The following TRPC7 variants were observed in gnomAD, a reference collection of about 807,000 sequenced individuals.
TRPC7 encodes short transient receptor potential channel 7.
Under a neutral mutation model 90.1 loss-of-function variants are expected in TRPC7, and 42 were observed. The observed-to-expected ratio is 0.47, with a 90% CI of 0.36 to 0.60. The LOEUF (loss-of-function observed/expected upper bound fraction) is 0.60. Ranked by LOEUF, TRPC7 falls within the 20% of genes least tolerant of loss-of-function variation. TRPC7 has a pLI of 0.00. For synonymous variants in TRPC7, 451 were observed against 436.3 expected, an observed-to-expected ratio of 1.03 and a Z score of -0.42; for missense variants, 955 against 1,112.3, an observed-to-expected ratio of 0.86 and a Z score of 2.01.
chr5:136,250,207 T>C (rs1164642123), intron 6 of TRPC7, among the ~76,000 whole-genome samples: 2 of 152,224 alleles, frequency 1.3e-5, no homozygotes, highest in African/African-American at 4.8e-5. Context: ...CTTGTAATAC[T>C]ACAAGACTCT....
At chr5:136,333,216 T>C (rs1759553395) in intron 2 of TRPC7, among the ~76,000 whole-genome samples, 1 of 152,210 alleles carries the variant, frequency 6.6e-6, no homozygotes, top group South Asian at 2.1e-4. Flanking sequence ...CTCTTAGCCC[T>C]ATCTGGGTGC....
intron 2 of TRPC7, among the ~76,000 whole-genome samples, chr5:136,327,889 A>C (rs892203923): frequency 1.3e-5 from 2 of 152,188 alleles, no homozygotes; most frequent in South Asian, 2.1e-4. Context: ...GTTAAAATTT[A>C]ACACACATGG....
chr5:136,316,895 T>G (rs535181717), intron 2 of TRPC7, among the ~76,000 whole-genome samples: 1 of 152,338 alleles, frequency 6.6e-6, no homozygotes, highest in African/African-American at 2.4e-5. Context: ...TAAAGAGGAC[T>G]GTGGTTGTGC....
At chr5:136,329,921 C>G (rs1209541170) in intron 2 of TRPC7, among the ~76,000 whole-genome samples, 1 of 152,062 alleles carries the variant, frequency 6.6e-6, no homozygotes. Flanking sequence ...AGTCTTGTCC[C>G]CACAACCCAC....
At chr5:136,333,316 T>A (rs1759555456) in intron 2 of TRPC7, among the ~76,000 whole-genome samples, 1 of 152,034 alleles carries the variant, frequency 6.6e-6, no homozygotes, top group Non-Finnish European at 1.5e-5. Flanking sequence ...AACAGGGCAT[T>A]CCAAGCTGAG....
intron 2 of TRPC7, among the ~76,000 whole-genome samples, chr5:136,326,597 C>T (rs1322995151): frequency 6.6e-6 from 1 of 152,036 alleles, no homozygotes; most frequent in African/African-American, 2.4e-5. Context: ...ATTAGAAAAA[C>T]CGGATATGAT....
intron 6 of TRPC7, 117 bp downstream of exon 6, chr5:136,251,532 A>G: frequency 1.2e-6 from 1 of 847,770 alleles, no homozygotes. Context: ...CGGCTGTGTT[A>G]CAAATCATGG....
intron 3 of TRPC7, among the ~76,000 whole-genome samples, chr5:136,294,575 CA>C (rs2149826812): frequency 6.6e-6 from 1 of 152,094 alleles, no homozygotes; most frequent in African/African-American, 2.4e-5. Context: ...AAATGCAAAT[CA>C]AAACCACAAT....
At chr5:136,284,709 C>T (rs1757655126) in intron 3 of TRPC7, among the ~76,000 whole-genome samples, 2 of 152,220 alleles carry the variant, frequency 1.3e-5, no homozygotes. Context: ...GGCACCCAGC[C>T]CAAGAAGGGA....
At chr5:136,297,112 C>G (rs1758205597) in intron 3 of TRPC7, among the ~76,000 whole-genome samples, 1 of 152,204 alleles carries the variant, frequency 6.6e-6, no homozygotes, top group Non-Finnish European at 1.5e-5. Context: ...CTCTGATCCC[C>G]CTTTCATGGC....
At chr5:136,220,008 A>G (rs1755402141) in intron 10 of TRPC7, among the ~76,000 whole-genome samples, 1 of 152,226 alleles carries the variant, frequency 6.6e-6, no homozygotes, top group African/African-American at 2.4e-5. Context: ...TGACGATTTC[A>G]TGGACATTTA....
At position 136,247,513 on chromosome 5, in the gene TRPC7, T is replaced by C; in HGVS notation, c.1802A>G (p.Tyr601Cys). 6.2e-7 allele frequency: 1 copy of C among 1,613,728 alleles called. No homozygotes were observed. Among genetic ancestry groups the C allele is most frequent in the Non-Finnish European group, 8.5e-7 (1 of 1,179,808 alleles). ...VAFMIGMFNL[Y>C]SYYRGAKYNP... ...GTATTTGGCACCTCGGTAGTAAGAG[T>C]ACAGGTTGAACATCCCAATCATGAA... Residue 601 changes from tyrosine (Y) to cysteine (C), a missense_variant, in exon 7 of 12, where the codon TAC becomes TGC. Transcript: ENST00000513104. This position sits in a 1 kb window ranked among gnomAD's most constrained non-coding sequence, Gnocchi z 4.2.
intron 2 of TRPC7, among the ~76,000 whole-genome samples, chr5:136,344,532 C>G (rs931300523): frequency 2.6e-5 from 4 of 152,174 alleles, no homozygotes; most frequent in African/African-American, 9.7e-5. Context: ...AGGAAGTGGT[C>G]AGCCTCACTA....
rs367808170 is a variant in TRPC7 at position 136,306,933 on chromosome 5, G to A, written c.963+8664C>T. Among the ~76,000 whole-genome samples, 358 of 152,182 alleles carry A rather than the reference G, an allele frequency of 2.4e-3. 6 individuals carry two copies. Among genetic ancestry groups the A allele is most frequent in the African/African-American group, 8.2e-3 (342 of 41,514 alleles). ...ACCACCCTTCGCTGACTCTCTTTTC[G>A]GATTCAGCCTGCCTGCACCCAGGTG... On this transcript the variant is annotated intron_variant, in intron 3 of 11. Coordinates refer to ENST00000513104, the MANE Select transcript of TRPC7 (RefSeq NM_020389.3).
intron 3 of TRPC7, among the ~76,000 whole-genome samples, chr5:136,305,839 A>G (rs1561711643): frequency 6.6e-6 from 1 of 152,172 alleles, no homozygotes; most frequent in Non-Finnish European, 1.5e-5. Context: ...GGTCTTTTAA[A>G]AACACACCTC....
intron 2 of TRPC7, among the ~76,000 whole-genome samples, chr5:136,329,420 T>G (rs531282803): frequency 6.6e-6 from 1 of 151,876 alleles, no homozygotes; most frequent in Non-Finnish European, 1.5e-5. Flanking sequence ...GACCACAGGG[T>G]GATGTAAGTG....
Position 136,356,845 on chromosome 5 carries a change from G to A in TRPC7, c.543C>T (p.His181=), listed in dbSNP as rs771285684. The change falls in exon 2 of 12, where the codon CAC becomes CAT. Residue 181 remains histidine (H), a synonymous_variant. Coordinates refer to ENST00000513104, the MANE Select transcript of TRPC7 (RefSeq NM_020389.3). ...AAHCQEYEIV[H]ILLLKGARIE... is the part of the protein sequence containing the mutation. Reference sequence around the variant, plus strand: ...TGCGGGCGCCCTTGAGCAGCAGGATGTGCACGATCTCATACTCCTGGCAGT... The same window carrying A: ...TGCGGGCGCCCTTGAGCAGCAGGATATGCACGATCTCATACTCCTGGCAGT... The A allele has an allele frequency of 6.8e-6, 11 of 1,613,822 alleles. No homozygotes were observed. The East Asian group carries it at 2.2e-4, about 33-fold the overall frequency.
chr5:136,264,930 G>T (rs563195924), intron 5 of TRPC7, among the ~76,000 whole-genome samples: 61 of 152,224 alleles, frequency 4.0e-4, no homozygotes, highest in African/African-American at 1.4e-3. Flanking sequence ...AGCTTGGTGG[G>T]TTGTCCTTCC....
At position 136,331,706 on chromosome 5, in the gene TRPC7, C is replaced by T. The variant is rs145463968; in HGVS notation, c.781-15927G>A. Among the ~76,000 whole-genome samples, 24 of 152,266 alleles carry T rather than the reference C, an allele frequency of 1.6e-4. 1 individual carries two copies. Among genetic ancestry groups the T allele is most frequent in the Admixed American group, 4.6e-4 (7 of 15,290 alleles). ...GCATGTGCTTACTGAGCCTTGTGTG[C>T]GCCAGAGCTGTAGCCGGCACTGGAG... On this transcript the variant is annotated intron_variant, in intron 2 of 11. Coordinates refer to ENST00000513104, the MANE Select transcript of TRPC7 (RefSeq NM_020389.3).
Sources: gnomAD v4.1 joint callset for allele counts (sites outside exome capture counted in the v4.1 genomes callset) on GRCh38, gnomAD v4.1.1 for gene constraint, Gnocchi (gnomAD v3.1) non-coding constraint, MANE v1.5 for transcripts, NCBI Gene and HGNC (gene_info 2026-07-23, HGNC 2026-07-21) for gene names.